Variants in C2orf68 observed in about 807,000 individuals in gnomAD.
C2orf68 encodes UPF0561 protein C2orf68.
A neutral mutation model predicts 19.1 loss-of-function variants in C2orf68; 15 were observed. The observed-to-expected ratio is 0.79, with a 90% CI of 0.53 to 1.21. The LOEUF (loss-of-function observed/expected upper bound fraction) is 1.21. Ranked by LOEUF, C2orf68 falls within the 50% of genes most tolerant of loss-of-function variation. C2orf68 has a pLI of 0.00. For synonymous variants in C2orf68, 98 were observed against 91.0 expected (o/e 1.08, Z -0.44); for missense variants, 242 against 226.6 (o/e 1.07, Z -0.44).
In C2orf68 at chr2:85,611,712, C is replaced by T; in HGVS notation, c.182G>A (p.Arg61Gln). 6.3e-7 allele frequency: 1 copy of T among 1,594,504 alleles called. No individual in the cohort carries two copies. Among genetic ancestry groups the T allele is most frequent in the Non-Finnish European group, 8.5e-7 (1 of 1,171,868 alleles). The change falls in exon 2 of 4, where the codon CGG becomes CAG. Residue 61 changes from arginine to glutamine, a missense_variant. Arg to Gln is a conservative substitution (Grantham distance 43). Transcript: ENST00000306336. ...VRRRHTPAPTRPRKPDLQVYL... is the reference protein window; with the variant it reads ...VRRRHTPAPTQPRKPDLQVYL... Reference sequence around the variant, plus strand: ...CACCTGCAGGTCTGGCTTGCGGGGCCGCGTCGGCGCGGGCGTGTGCCGCCT... The same window carrying T: ...CACCTGCAGGTCTGGCTTGCGGGGCTGCGTCGGCGCGGGCGTGTGCCGCCT...
chr2:85,611,831 G>C, intron 1 of C2orf68, 45 bp from the exon 2 acceptor site: 1 of 1,605,956 alleles, frequency 6.2e-7, no homozygotes, highest in Non-Finnish European at 8.5e-7. Context: ...GGCCGGGCCA[G>C]GCCAGGCCAG....
chr2:85,609,349 C>A, intron 3 of C2orf68, 86 bp downstream of exon 3: 8 of 1,538,378 alleles, frequency 5.2e-6, no homozygotes, highest in Non-Finnish European at 7.0e-6. Flanking sequence ...CATTGGGGGT[C>A]CTGAGGAAAA....
In C2orf68 at chr2:85,607,672, C is replaced by T. The variant is rs941433941; in HGVS notation, c.*1273G>A. ...CCAACAGTGCCATCAGGTGTCTTAA[C>T]ACCCGGATGTGGAGAAACCCCTGGG... On this transcript the variant is annotated 3_prime_UTR_variant, in exon 4 of 4. Coordinates refer to ENST00000306336, the MANE Select transcript of C2orf68 (RefSeq NM_001013649.4). 1 of 152,180 alleles carries T rather than the reference C, an allele frequency of 6.6e-6. No homozygotes were observed. Among genetic ancestry groups the T allele is most frequent in the South Asian group, 2.1e-4 (1 of 4,836 alleles). The allele number at this position is 152,180 out of a possible 1,614,324, so 9.4% of individuals were successfully genotyped here.
intron 2 of C2orf68, 94 bp downstream of exon 2, chr2:85,611,574 C>T (rs1339280560): frequency 6.4e-7 from 1 of 1,551,192 alleles, no homozygotes; most frequent in South Asian, 1.2e-5. Flanking sequence ...TGAGCTGAAC[C>T]TTAGGAGTAA....
In C2orf68 at chr2:85,612,042, C is replaced by G; in HGVS notation, c.-58G>C. ...CGACGGCCCCAACAACAGCCACCCG[C>G]CCACAGAGCTCCGCGCCGCCCCTTG... On this transcript the variant is annotated 5_prime_UTR_variant, in exon 1 of 4. Coordinates refer to ENST00000306336, the MANE Select transcript of C2orf68 (RefSeq NM_001013649.4). The G allele has an allele frequency of 7.9e-7, 1 of 1,264,010 alleles. No individual in the cohort carries two copies. The highest frequency in any genetic ancestry group is 1.1e-6 in the Non-Finnish European group (1 of 942,264). 78.3% of individuals were successfully genotyped at this position (1,264,010 alleles called of 1,614,324 possible). A position where few individuals can be genotyped will look rare whatever the true frequency, so the allele number is the denominator to read the frequency against.
chr2:85,609,386 C>T, intron 3 of C2orf68, 49 bp downstream of exon 3: 2 of 1,597,172 alleles, frequency 1.3e-6, no homozygotes, highest in South Asian at 2.3e-5. Flanking sequence ...ACAATGATTA[C>T]TACCATGGCC....
chr2:85,611,624 G>A (rs1300312854), intron 2 of C2orf68, 44 bp downstream of exon 2: 1 of 1,561,566 alleles, frequency 6.4e-7, no homozygotes, highest in Non-Finnish European at 8.7e-7. Context: ...GTGCGTTGCA[G>A]GAAGAGCGCG....
intron 2 of C2orf68, chr2:85,610,760 CTT>C (rs541919655): frequency 2.5e-4 from 31 of 123,720 alleles, no homozygotes; most frequent in Middle Eastern, 3.9e-3. Flanking sequence ...CTCTCTCTCT[CTT>C]TTTTTTTTTT....
At position 85,609,031 on chromosome 2, in the gene C2orf68, C is replaced by T; in HGVS notation, c.415G>A (p.Ala139Thr). Residue 139 changes from alanine (A) to threonine (T), a missense_variant, in exon 4 of 4, where the codon GCA becomes ACA. Physicochemically the swap from Ala to Thr is moderately conservative, Grantham distance 58 (BLOSUM62 0). Transcript: ENST00000306336. Reference sequence around the variant, plus strand: ...ATGGGTGGATCCAGAGGCGTGTGTGCCGACACCTTCTCACTCACCTTTCCT... The same window carrying T: ...ATGGGTGGATCCAGAGGCGTGTGTGTCGACACCTTCTCACTCACCTTTCCT... ...DPGKVSEKVS[A>T]HTPLDPPMRE... 2 of 1,614,204 alleles carry T rather than the reference C, an allele frequency of 1.2e-6. No individual in the cohort carries two copies. The highest frequency in any genetic ancestry group is 1.7e-6 in the Non-Finnish European group (2 of 1,180,040).
chr2:85,610,013 GTTTTT>G (rs552989319), intron 2 of C2orf68, among the ~76,000 whole-genome samples: 1 of 125,140 alleles, frequency 8.0e-6, no homozygotes, highest in African/African-American at 3.3e-5. Context: ...AGTGTAAGTG[GTTTTT>G]TTTTTTTTTT....
chr2:85,611,165 A>AC (rs1673495643), intron 2 of C2orf68: 1 of 850,828 alleles, frequency 1.2e-6, no homozygotes, highest in Admixed American at 4.8e-5. Context: ...CCCAGATCGC[A>AC]CCATTGCACT....
In C2orf68 at chr2:85,608,855, A is replaced by G; in HGVS notation, c.*90T>C. The G allele has an allele frequency of 6.4e-7, 1 of 1,555,832 alleles. No individual in the cohort carries two copies. Among genetic ancestry groups the G allele is most frequent in the Non-Finnish European group, 8.7e-7 (1 of 1,142,948 alleles). On this transcript the variant is annotated 3_prime_UTR_variant, in exon 4 of 4. Transcript: ENST00000306336. ...GCTCTGGGGGTCTCAAGATCAGACA[A>G]ACTGGTCCTGGTACCCCCACACTAA...
Position 85,608,725 on chromosome 2 carries a change from A to C in C2orf68, c.*220T>G. ...TCAAAAAAAAAAAAAAAAAAAAAAA[A>C]AAAAGAATTCCAGAATATCAGGCTG... is the stretch of plus-strand genomic sequence containing the variant. On this transcript the variant is annotated 3_prime_UTR_variant, in exon 4 of 4. Transcript: ENST00000306336. 3.1e-6 allele frequency: 1 copy of C among 319,412 alleles called. No individual in the cohort carries two copies. Among genetic ancestry groups the C allele is most frequent in the East Asian group, 5.7e-5 (1 of 17,490 alleles). 19.8% of individuals were successfully genotyped at this position (319,412 alleles called of 1,614,324 possible).
In C2orf68 at chr2:85,611,655, C is replaced by T. The variant is rs771022217; in HGVS notation, c.226+13G>A. 3 of 1,557,818 alleles carry T rather than the reference C, an allele frequency of 1.9e-6. No homozygotes were observed. The highest frequency in any genetic ancestry group is 1.2e-5 in the South Asian group (1 of 85,198). On this transcript the variant is annotated intron_variant, in intron 2 of 3. Coordinates refer to ENST00000306336, the MANE Select transcript of C2orf68 (RefSeq NM_001013649.4). ...GCGCGCGGGCTGGAGGCAGGCGGGGCGGGCGGCCTCACCTCGGTGTCGCGG... is the reference window on the plus strand; with the variant it reads ...GCGCGCGGGCTGGAGGCAGGCGGGGTGGGCGGCCTCACCTCGGTGTCGCGG...
At chr2:85,610,013 G>GT (rs552989319) in intron 2 of C2orf68, among the ~76,000 whole-genome samples, 2,159 of 125,140 alleles carry the variant, frequency 0.017, 85 homozygotes, top group African/African-American at 0.051. Context: ...AGTGTAAGTG[G>GT]TTTTTTTTTT....
rs1258403682 is a variant in C2orf68 at position 85,608,575 on chromosome 2, C to T, written c.*370G>A. The T allele has an allele frequency of 5.6e-5, 10 of 178,430 alleles. No individual in the cohort carries two copies. In the Admixed American group the frequency reaches 6.2e-4, roughly 11 times the overall value. 11.1% of individuals were successfully genotyped at this position (178,430 alleles called of 1,614,324 possible). A position where few individuals can be genotyped will look rare whatever the true frequency, so the allele number is the denominator to read the frequency against. On this transcript the variant is annotated 3_prime_UTR_variant, in exon 4 of 4. Coordinates refer to ENST00000306336, the MANE Select transcript of C2orf68 (RefSeq NM_001013649.4). The stretch of plus-strand genomic sequence containing the variant: ...AAAATAACAAACGTGGCTCATGGAG[C>T]TGAGTGGAACAGCAGCAGCCAGGCA...
intron 2 of C2orf68, 37 bp downstream of exon 2, chr2:85,611,631 C>G: frequency 1.3e-6 from 2 of 1,563,124 alleles, no homozygotes; most frequent in Non-Finnish European, 1.7e-6. Context: ...GCAGGAAGAG[C>G]GCGCGGGCTG....
chr2:85,611,684 G>C lies in C2orf68; in HGVS notation c.210C>G (p.Tyr70Ter). The C allele has an allele frequency of 6.4e-7, 1 of 1,571,102 alleles. No homozygotes were observed. Among genetic ancestry groups the C allele is most frequent in the Non-Finnish European group, 8.6e-7 (1 of 1,159,094 alleles). Residue 70 changes from tyrosine to a stop codon, truncating the protein, a stop_gained, in exon 2 of 4, where the codon TAC (tyrosine) becomes TAG (stop). Coordinates refer to ENST00000306336, the MANE Select transcript of C2orf68 (RefSeq NM_001013649.4). LOFTEE classifies it high-confidence loss of function. ...TRPRKPDLQV[Y>*]LPRHRDVSAH... ...CGGCCTCACCTCGGTGTCGCGGCAG[G>C]TACACCTGCAGGTCTGGCTTGCGGG...
chr2:85,609,308 G>C (rs1673352756), intron 3 of C2orf68, 127 bp downstream of exon 3: 2 of 1,379,660 alleles, frequency 1.4e-6, no homozygotes, highest in Admixed American at 4.2e-5. Context: ...TGCCCGGCAG[G>C]CCTAGACTCA....
Sources: gnomAD v4.1 joint callset for allele counts (sites outside exome capture counted in the v4.1 genomes callset) on GRCh38, gnomAD v4.1.1 for gene constraint, MANE v1.5 for transcripts, NCBI Gene and HGNC (gene_info 2026-07-23, HGNC 2026-07-21) for gene names.